Variants in STAB2 observed in about 807,000 individuals in gnomAD.
STAB2 encodes stabilin 2, also known as stabilin-2.
STAB2 carries 288 observed loss-of-function variants against 338.1 expected under a neutral mutation model. The ratio of observed to expected loss-of-function variants is 0.85; its 90% CI spans 0.77 to 0.94. STAB2 has a LOEUF of 0.94. Ranked by LOEUF, STAB2 falls within the 40% of genes least tolerant of loss-of-function variation. STAB2 has a pLI of 0.00. For missense variants in STAB2, 3,141 were observed against 3,210.1 expected, an observed-to-expected ratio of 0.98 and a Z score of 0.52; for synonymous variants, 1,202 against 1,193.3, an observed-to-expected ratio of 1.01 and a Z score of -0.15.
intron 4 of STAB2, 51 bp downstream of exon 4, chr12:103,620,604 T>C: frequency 6.8e-7 from 1 of 1,461,448 alleles, no homozygotes; most frequent in Non-Finnish European, 9.3e-7. Flanking sequence ...CCCCATCTTC[T>C]TACCTGTTGA....
At chr12:103,593,623 T>C (rs1956832701) in intron 2 of STAB2, among the ~76,000 whole-genome samples, 1 of 152,208 alleles carries the variant, frequency 6.6e-6, no homozygotes, top group Non-Finnish European at 1.5e-5. Context: ...GACTGTGCTA[T>C]TAATCAGCTG....
chr12:103,650,212 G>C (rs1873632647), intron 10 of STAB2, among the ~76,000 whole-genome samples: 1 of 151,636 alleles, frequency 6.6e-6, no homozygotes, highest in Admixed American at 6.6e-5. Flanking sequence ...GGTTGTGGTA[G>C]GATTTTGTCA....
chr12:103,765,111 A>G (rs556786895), intron 68 of STAB2, among the ~76,000 whole-genome samples: 2 of 145,444 alleles, frequency 1.4e-5, no homozygotes, highest in Non-Finnish European at 3.0e-5. Flanking sequence ...AAAAAAAAAA[A>G]GGGAGGTGGT....
At chr12:103,706,320 C>A (rs536214609) in intron 37 of STAB2, among the ~76,000 whole-genome samples, 2 of 152,222 alleles carry the variant, frequency 1.3e-5, no homozygotes, top group African/African-American at 2.4e-5. Context: ...AGACACCCTA[C>A]GGGGCTTCCC....
intron 3 of STAB2, among the ~76,000 whole-genome samples, chr12:103,604,993 C>T (rs1167113031): frequency 2.6e-5 from 4 of 151,482 alleles, no homozygotes; most frequent in Admixed American, 6.6e-5. Flanking sequence ...AATAAATTTC[C>T]TTGTAAGCAC....
chr12:103,764,819 C>T (rs887703740), intron 68 of STAB2, among the ~76,000 whole-genome samples: 3 of 151,922 alleles, frequency 2.0e-5, no homozygotes, highest in East Asian at 1.9e-4. Context: ...AAGTTCGGGC[C>T]GGGTGCAGTG....
chr12:103,614,334 A>G (rs1262564734), intron 3 of STAB2, among the ~76,000 whole-genome samples: 2 of 152,228 alleles, frequency 1.3e-5, no homozygotes, highest in African/African-American at 2.4e-5. Flanking sequence ...AAGAAATAAT[A>G]TGAATTTTAG....
At chr12:103,604,598 A>G (rs1187675551) in intron 3 of STAB2, among the ~76,000 whole-genome samples, 1 of 151,914 alleles carries the variant, frequency 6.6e-6, no homozygotes, top group Non-Finnish European at 1.5e-5. Context: ...TTTTACTTTC[A>G]ATACATTTGT....
intron 9 of STAB2, among the ~76,000 whole-genome samples, chr12:103,644,559 AAATAAATAAAT>A (rs1873196562): frequency 6.8e-6 from 1 of 148,128 alleles, no homozygotes; most frequent in Non-Finnish European, 1.5e-5. Context: ...ATAAATAAAT[AAATAAATAAAT>A]AAAAATAAAA....
At chr12:103,607,369 G>A (rs1368523673) in intron 3 of STAB2, among the ~76,000 whole-genome samples, 1 of 139,968 alleles carries the variant, frequency 7.1e-6, no homozygotes, top group Non-Finnish European at 1.5e-5. Context: ...GCTTCATTTT[G>A]GTTTTTTGTT....
At chr12:103,750,342 G>A (rs1883515580) in intron 59 of STAB2, among the ~76,000 whole-genome samples, 1 of 152,226 alleles carries the variant, frequency 6.6e-6, no homozygotes, top group Non-Finnish European at 1.5e-5. Flanking sequence ...CTTATGTAGG[G>A]TGGTCAGGGA....
intron 17 of STAB2, among the ~76,000 whole-genome samples, chr12:103,661,978 G>A (rs1450183335): frequency 4.6e-5 from 7 of 152,144 alleles, no homozygotes; most frequent in Non-Finnish European, 1.0e-4. Context: ...AGCAGTTGGA[G>A]GATTTTGAAC....
chr12:103,662,342 T>C (rs961436002), intron 17 of STAB2, among the ~76,000 whole-genome samples: 5 of 152,150 alleles, frequency 3.3e-5, no homozygotes, highest in Non-Finnish European at 5.9e-5. Context: ...AGGGGGTGGG[T>C]GGCAGGTTTA....
chr12:103,745,137 C>T (rs1188761767), intron 56 of STAB2, 36 bp from the exon 57 acceptor site: 1 of 1,579,202 alleles, frequency 6.3e-7, no homozygotes, highest in South Asian at 1.2e-5. Flanking sequence ...TGGGTCTCAA[C>T]CCCTGATGAC....
At chr12:103,681,970 C>A (rs900450286) in intron 25 of STAB2, among the ~76,000 whole-genome samples, 21 of 152,084 alleles carry the variant, frequency 1.4e-4, no homozygotes, top group African/African-American at 4.8e-4. Flanking sequence ...CTAATTATAT[C>A]GTATCAACCC....
In STAB2 at chr12:103,638,160, T is replaced by A. The variant is rs774691546; in HGVS notation, c.854T>A (p.Phe285Tyr). 6.2e-7 allele frequency: 1 copy of A among 1,614,036 alleles called. No individual in the cohort carries two copies. Among genetic ancestry groups the A allele is most frequent in the African/African-American group, 1.3e-5 (1 of 74,912 alleles). Residue 285 changes from phenylalanine to tyrosine, a missense_variant, in exon 8 of 69, where the codon TTT (phenylalanine) becomes TAT (tyrosine). By Grantham distance (22) the Phe-to-Tyr change is conservative. Coordinates refer to ENST00000388887, the MANE Select transcript of STAB2 (RefSeq NM_017564.10). ...CCTGTGGACCCCTGCCAAATTAACT[T>A]TGGAAACTGCCCTACAAAGTCTACA... ...CLPVDPCQIN[F>Y]GNCPTKSTVC...
At chr12:103,662,673 C>T (rs1359513583) in intron 17 of STAB2, among the ~76,000 whole-genome samples, 173 bp from the exon 18 acceptor site, 1 of 152,216 alleles carries the variant, frequency 6.6e-6, no homozygotes. Context: ...TGAACAGATT[C>T]AATCTTTCCC....
chr12:103,764,416 T>C (rs1044443844), intron 68 of STAB2, among the ~76,000 whole-genome samples: 1 of 152,212 alleles, frequency 6.6e-6, no homozygotes, highest in Non-Finnish European at 1.5e-5. Context: ...GGGGACCATT[T>C]ATCTCTAGAG....
Position 103,622,086 on chromosome 12 carries a change from C to A in STAB2, c.462C>A (p.Asn154Lys). Residue 154 changes from asparagine to lysine, a missense_variant, in exon 5 of 69, where the codon AAC (asparagine) becomes AAA (lysine). Asn to Lys is a moderately conservative substitution (Grantham distance 94, BLOSUM62 0). Coordinates refer to ENST00000388887, the MANE Select transcript of STAB2 (RefSeq NM_017564.10). ...GTACETCADD[N>K]LFGPSCSSVC... The stretch of plus-strand genomic sequence containing the variant: ...CCTGTGAAACCTGTGCTGACGACAA[C>A]TTATTTGGACCCAGCTGTTCATCAG... The A allele has an allele frequency of 1.9e-6, 3 of 1,614,196 alleles. No homozygotes were observed. The highest frequency in any genetic ancestry group is 2.5e-6 in the Non-Finnish European group (3 of 1,180,046).
Sources: gnomAD v4.1 joint callset for allele counts (sites outside exome capture counted in the v4.1 genomes callset) on GRCh38, gnomAD v4.1.1 for gene constraint, MANE v1.5 for transcripts, NCBI Gene and HGNC (gene_info 2026-07-23, HGNC 2026-07-21) for gene names.